The following IL1RAPL1 variants were observed in gnomAD, a reference collection of about 807,000 sequenced individuals.
IL1RAPL1 encodes the protein interleukin-1 receptor accessory protein-like 1.
In IL1RAPL1, 3 loss-of-function variants were observed where a neutral mutation model predicts 48.4. That is an observed-to-expected ratio of 0.06 (90% CI 0.03 to 0.16). The LOEUF is 0.16. Ranked by LOEUF, IL1RAPL1 falls within the 10% of genes least tolerant of loss-of-function variation. The probability of loss-of-function intolerance (pLI) is 1.00; values close to 1 mark genes in which losing one functional copy is unlikely to be tolerated. For missense variants in IL1RAPL1, 349 were observed against 530.6 expected (o/e 0.66, Z 3.36); for synonymous variants, 185 against 187.7 (o/e 0.99, Z 0.12).
intron 1 of IL1RAPL1, among the ~76,000 whole-genome samples, chrX:28,604,989 T>C (rs747894546): frequency 3.6e-5 from 4 of 111,333 alleles, no homozygotes; most frequent in African/African-American, 1.3e-4. Context: ...ACTTACACAA[T>C]GGATCACTCC....
At chrX:28,730,073 T>C (rs1935735167) in intron 1 of IL1RAPL1, among the ~76,000 whole-genome samples, 1 of 112,350 alleles carries the variant, frequency 8.9e-6, no homozygotes, top group Non-Finnish European at 1.9e-5. Context: ...TAATTAAAAA[T>C]AGTTTTATAA....
At chrX:28,855,246 C>T (rs933770571) in intron 2 of IL1RAPL1, among the ~76,000 whole-genome samples, 8 of 111,248 alleles carry the variant, frequency 7.2e-5, no homozygotes, top group African/African-American at 2.6e-4. Context: ...TCTCGAACTC[C>T]TGACCTCAGG....
rs193014770 is a variant in IL1RAPL1 at position 29,120,804 on chromosome X, C to A, written c.83-162134C>A. Among the ~76,000 whole-genome samples, 3 of 111,378 alleles carry A rather than the reference C, an allele frequency of 2.7e-5. No individual in the cohort carries two copies. In the Admixed American group the frequency reaches 2.9e-4, roughly 11 times the overall value. Reference sequence around the variant, plus strand: ...CATTACTTGACAAGAAAAATGCAATCCAATTTCTCTCAAGAACATAGACGC... The same window carrying A: ...CATTACTTGACAAGAAAAATGCAATACAATTTCTCTCAAGAACATAGACGC... On this transcript the variant is annotated intron_variant, in intron 2 of 10. Coordinates refer to ENST00000378993, the MANE Select transcript of IL1RAPL1 (RefSeq NM_014271.4).
intron 3 of IL1RAPL1, among the ~76,000 whole-genome samples, chrX:29,293,341 G>C (rs1226802287): frequency 9.3e-6 from 1 of 107,741 alleles, no homozygotes; most frequent in Non-Finnish European, 1.9e-5. Flanking sequence ...TCATGGGGTA[G>C]TTTCTTAGAT....
At chrX:29,545,232 T>TATC (rs1921587652) in intron 5 of IL1RAPL1, among the ~76,000 whole-genome samples, 1 of 88,679 alleles carries the variant, frequency 1.1e-5, no homozygotes, top group South Asian at 4.7e-4. Context: ...TCTATCTATC[T>TATC]ATCTATCTAT....
intron 2 of IL1RAPL1, among the ~76,000 whole-genome samples, chrX:28,931,451 T>C (rs1249023565): frequency 1.8e-5 from 2 of 112,275 alleles, no homozygotes; most frequent in Admixed American, 9.5e-5. Flanking sequence ...CACTTTTAAA[T>C]TATGAATATT....
chrX:29,256,197 T>C (rs1265383994), intron 2 of IL1RAPL1, among the ~76,000 whole-genome samples: 1 of 111,723 alleles, frequency 9.0e-6, no homozygotes, highest in Non-Finnish European at 1.9e-5. Context: ...TTTGCATCTG[T>C]CTGATTATCT....
At chrX:29,336,773 G>T (rs942107389) in intron 3 of IL1RAPL1, among the ~76,000 whole-genome samples, 1 of 111,677 alleles carries the variant, frequency 9.0e-6, no homozygotes, top group African/African-American at 3.3e-5. Context: ...TGTTTGTTCA[G>T]ATTCTTCTGG....
At chrX:28,804,128 GTATCTGTC>G (rs1936703475) in intron 2 of IL1RAPL1, among the ~76,000 whole-genome samples, 3 of 111,193 alleles carry the variant, frequency 2.7e-5, no homozygotes, top group Admixed American at 9.6e-5. Context: ...TAAAATCCAT[GTATCTGTC>G]ATGTCTTTGG....
Position 29,453,141 on chromosome X carries a change from G to A in IL1RAPL1, c.703+53833G>A, listed in dbSNP as rs185669865. 5.6e-3 allele frequency among the ~76,000 whole-genome samples: 613 copies of A among 108,813 alleles called. 3 individuals are homozygous for A. Among genetic ancestry groups the A allele is most frequent in the Non-Finnish European group, 9.3e-3 (487 of 52,479 alleles). The allele number at this position is 108,813 out of a possible 115,157, so 94.5% of individuals were successfully genotyped here. ...GGTTTCACCATGTTGGCCAGAGCTG[G>A]TCTCGAACTCCTGACCTCAAGTGAT... is the stretch of plus-strand genomic sequence containing the variant. On this transcript the variant is annotated intron_variant, in intron 5 of 10. Transcript: ENST00000378993.
At chrX:29,851,577 T>C (rs1176723521) in intron 6 of IL1RAPL1, among the ~76,000 whole-genome samples, 1 of 112,129 alleles carries the variant, frequency 8.9e-6, no homozygotes, top group Non-Finnish European at 1.9e-5. Flanking sequence ...AAAATTGTCC[T>C]GTTTAAGGCA....
intron 3 of IL1RAPL1, among the ~76,000 whole-genome samples, chrX:29,302,912 T>C (rs1206243442): frequency 8.9e-6 from 1 of 111,902 alleles, no homozygotes; most frequent in Non-Finnish European, 1.9e-5. Flanking sequence ...TTTTATCCCT[T>C]TTGGCAACTG....
intron 6 of IL1RAPL1, among the ~76,000 whole-genome samples, chrX:29,711,437 C>A (rs980877216): frequency 2.4e-4 from 26 of 110,428 alleles, no homozygotes; most frequent in Middle Eastern, 4.2e-3. Context: ...CCTGCCTGGG[C>A]CTTCCAAAGT....
At chrX:29,737,122 G>A (rs1186687639) in intron 6 of IL1RAPL1, among the ~76,000 whole-genome samples, 1 of 111,946 alleles carries the variant, frequency 8.9e-6, no homozygotes, top group Non-Finnish European at 1.9e-5. Flanking sequence ...ATTAATACTT[G>A]TTTCATCTTC....
At chrX:29,700,984 T>C (rs1216749612) in intron 6 of IL1RAPL1, among the ~76,000 whole-genome samples, 1 of 111,946 alleles carries the variant, frequency 8.9e-6, no homozygotes, top group Non-Finnish European at 1.9e-5. Flanking sequence ...CTTTATGGAG[T>C]GTGCTGAATC....
In IL1RAPL1 at chrX:29,826,487, C is replaced by T. The variant is rs184231102; in HGVS notation, c.779-90977C>T. ...CATCCATTATTATCTAATTCCAGAACATTTGTATCGCCACACAAGGAAACC... is the reference window on the plus strand; with the variant it reads ...CATCCATTATTATCTAATTCCAGAATATTTGTATCGCCACACAAGGAAACC... On this transcript the variant is annotated intron_variant, in intron 6 of 10. Coordinates refer to ENST00000378993, the MANE Select transcript of IL1RAPL1 (RefSeq NM_014271.4). Among the ~76,000 whole-genome samples the T allele has an allele frequency of 1.2e-3, 133 of 111,772 alleles. 1 individual carries two copies. The highest frequency in any genetic ancestry group is 2.9e-3 in the Admixed American group (30 of 10,513).
At chrX:28,986,366 C>G (rs1254275581) in intron 2 of IL1RAPL1, among the ~76,000 whole-genome samples, 2 of 112,313 alleles carry the variant, frequency 1.8e-5, no homozygotes, top group African/African-American at 6.5e-5. Flanking sequence ...ATGTCTTATA[C>G]TTTGTCTTTT....
At chrX:29,093,065 A>G (rs1206568158) in intron 2 of IL1RAPL1, among the ~76,000 whole-genome samples, 1 of 112,179 alleles carries the variant, frequency 8.9e-6, no homozygotes, top group Non-Finnish European at 1.9e-5. Flanking sequence ...TTACTTAGCC[A>G]TCTTTTCATA....
At chrX:28,744,722 G>T (rs1338564056) in intron 1 of IL1RAPL1, among the ~76,000 whole-genome samples, 1 of 111,394 alleles carries the variant, frequency 9.0e-6, no homozygotes, top group Non-Finnish European at 1.9e-5. Context: ...AGAGATGGAC[G>T]CTGAGCACAT....
Sources: allele counts gnomAD v4.1 joint callset (sites outside exome capture counted in the v4.1 genomes callset), GRCh38; gene constraint gnomAD v4.1.1; transcripts MANE v1.5; gene names NCBI Gene and HGNC (gene_info 2026-07-23, HGNC 2026-07-21).